The following SLC30A7 variants were observed in gnomAD, a reference collection of about 807,000 sequenced individuals.
SLC30A7 encodes the protein zinc transporter 7.
A neutral mutation model predicts 46.0 loss-of-function variants in SLC30A7; 35 were observed. The observed-to-expected ratio is 0.76, with a 90% CI of 0.58 to 1.01. SLC30A7 has a LOEUF of 1.01. SLC30A7 is among the 50% of genes least tolerant of loss of function. SLC30A7 has a pLI of 0.00. For synonymous variants in SLC30A7, 147 were observed against 157.8 expected (o/e 0.93, Z 0.51); for missense variants, 464 against 451.1 (o/e 1.03, Z -0.26).
intron 2 of SLC30A7, 42 bp from the exon 3 acceptor site, chr1:100,906,810 T>C (rs1348629005): frequency 7.5e-7 from 1 of 1,325,778 alleles, no homozygotes; most frequent in South Asian, 1.2e-5. Flanking sequence ...GCCTACTGTT[T>C]GGTTTTTATT....
intron 8 of SLC30A7, among the ~76,000 whole-genome samples, chr1:100,954,695 T>G (rs1413507192): frequency 6.6e-6 from 1 of 152,108 alleles, no homozygotes; most frequent in Non-Finnish European, 1.5e-5. Flanking sequence ...CACAGTATAA[T>G]TATAAAGTAA....
the SLC30A7 span, chr1:100,992,632 A>G: frequency 1.2e-6 from 2 of 1,611,428 alleles, no homozygotes; most frequent in Non-Finnish European, 1.7e-6. Context: ...TAGTGTCTTG[A>G]GTACCTGGTT....
chr1:100,995,354 G>A, the SLC30A7 span: 1 of 449,470 alleles, frequency 2.2e-6, no homozygotes, highest in South Asian at 2.7e-5. Context: ...ACTTGGCCCT[G>A]AGACCATCCT....
intron 3 of SLC30A7, 28 bp from the exon 4 acceptor site, chr1:100,911,031 ATAAT>A: frequency 2.0e-6 from 3 of 1,474,516 alleles, no homozygotes; most frequent in Non-Finnish European, 2.8e-6. Flanking sequence ...AAATAACATA[ATAAT>A]TCAGTTATTT....
intron 8 of SLC30A7, among the ~76,000 whole-genome samples, chr1:100,933,629 A>G (rs1158684748): frequency 1.3e-5 from 2 of 151,512 alleles, no homozygotes; most frequent in East Asian, 3.9e-4. Context: ...AAGTGTTCTC[A>G]TTGTTCAGTC....
chr1:100,909,006 A>G (rs1184786487), intron 3 of SLC30A7, among the ~76,000 whole-genome samples: 1 of 151,790 alleles, frequency 6.6e-6, no homozygotes, highest in Non-Finnish European at 1.5e-5. Flanking sequence ...AGAGAATAAT[A>G]TTCTTTCCAC....
At chr1:100,995,071 A>T in the SLC30A7 span, 82 of 1,443,708 alleles carry the variant, frequency 5.7e-5, no homozygotes, top group Admixed American at 1.3e-3. Flanking sequence ...TGTTCAAGGA[A>T]ATAAAACACA....
chr1:100,921,189 T>G (rs9434138), intron 7 of SLC30A7, among the ~76,000 whole-genome samples: 8,472 of 152,182 alleles, frequency 0.056, 769 homozygotes, highest in African/African-American at 0.19. Context: ...CCAGTTTAGA[T>G]AGAGCTTTTA....
chr1:100,930,794 T>C (rs982386831), intron 8 of SLC30A7, among the ~76,000 whole-genome samples: 2 of 152,238 alleles, frequency 1.3e-5, no homozygotes, highest in African/African-American at 4.8e-5. Context: ...ATTGTAAAAT[T>C]GAACATATGG....
downstream of SLC30A7, among the ~76,000 whole-genome samples, chr1:100,985,367 TCAAA>T (rs1372810372): frequency 1.3e-5 from 2 of 152,140 alleles, no homozygotes; most frequent in Non-Finnish European, 2.9e-5. Context: ...CCACACCATC[TCAAA>T]CAATTCCAAT....
At chr1:100,908,988 T>C (rs1030908134) in intron 3 of SLC30A7, among the ~76,000 whole-genome samples, 11 of 152,098 alleles carry the variant, frequency 7.2e-5, no homozygotes, top group Admixed American at 2.6e-4. Context: ...CTTTAGCTAG[T>C]TGATGTAAGA....
At chr1:100,966,934 G>T (rs1333968370) in intron 10 of SLC30A7, among the ~76,000 whole-genome samples, 1 of 152,130 alleles carries the variant, frequency 6.6e-6, no homozygotes, top group Non-Finnish European at 1.5e-5. Flanking sequence ...TCTTAATAGT[G>T]CATTTGGAAT....
At chr1:100,917,461 C>G (rs757468880) in intron 6 of SLC30A7, among the ~76,000 whole-genome samples, 2 of 152,130 alleles carry the variant, frequency 1.3e-5, no homozygotes, top group Non-Finnish European at 2.9e-5. Context: ...TGTCAGTCTT[C>G]CTGATGATCT....
chr1:100,964,119 G>T (rs1381668361), intron 9 of SLC30A7, among the ~76,000 whole-genome samples: 1 of 151,938 alleles, frequency 6.6e-6, no homozygotes, highest in Non-Finnish European at 1.5e-5. Context: ...GGAAAAAGGA[G>T]AAGGTATAAA....
chr1:100,927,346 A>G (rs968518222), intron 8 of SLC30A7, among the ~76,000 whole-genome samples: 7 of 152,160 alleles, frequency 4.6e-5, no homozygotes, highest in Non-Finnish European at 2.9e-5. Flanking sequence ...ATACAACCAT[A>G]TGTTGTTTTA....
At position 100,923,807 on chromosome 1, in the gene SLC30A7, G is replaced by A. The variant is rs150247753; in HGVS notation, c.842+1966G>A. On this transcript the variant is annotated intron_variant, in intron 8 of 10. Transcript: ENST00000357650. The stretch of plus-strand genomic sequence containing the variant: ...ATAAAAAGGAAAATAAAAGGATTTC[G>A]TAAAGTTTGAAATGCCTTTTCTTCT... Among the ~76,000 whole-genome samples the A allele has an allele frequency of 5.3e-5, 8 of 152,222 alleles. No homozygotes were observed. In the East Asian group the frequency reaches 1.2e-3, roughly 22 times the overall value.
chr1:100,965,986 T>C (rs1445695653), intron 10 of SLC30A7, 68 bp downstream of exon 10: 33 of 1,390,270 alleles, frequency 2.4e-5, no homozygotes, highest in Non-Finnish European at 3.2e-5. Context: ...TTTAAAAATA[T>C]TTACAAGGCC....
chr1:100,958,184 C>CT (rs764499081), intron 8 of SLC30A7, among the ~76,000 whole-genome samples: 29 of 148,090 alleles, frequency 2.0e-4, no homozygotes, highest in East Asian at 5.9e-4. Context: ...TTGTTGTTTT[C>CT]TTTTTTTTTT....
At chr1:100,994,921 A>C in the SLC30A7 span, among the ~76,000 whole-genome samples, 2 of 152,232 alleles carry the variant, frequency 1.3e-5, no homozygotes, top group Non-Finnish European at 2.9e-5. Flanking sequence ...TGTTGAATCC[A>C]CAAAATATAT....
Sources: gnomAD v4.1 joint callset for allele counts (sites outside exome capture counted in the v4.1 genomes callset) on GRCh38, gnomAD v4.1.1 for gene constraint, MANE v1.5 for transcripts, NCBI Gene and HGNC (gene_info 2026-07-23, HGNC 2026-07-21) for gene names.